EXOC6B: variants seen among roughly 807,000 people sequenced by gnomAD.
EXOC6B encodes the protein exocyst complex component 6B, also known as SEC15 homolog B.
EXOC6B carries 54 observed loss-of-function variants against 113.5 expected under a neutral mutation model. The observed-to-expected ratio is 0.48, with a 90% CI of 0.38 to 0.60. EXOC6B has a LOEUF of 0.60. EXOC6B is among the 20% of genes least tolerant of loss of function. The probability of loss-of-function intolerance (pLI) is 0.00; values close to 1 mark genes in which losing one functional copy is unlikely to be tolerated. For missense variants in EXOC6B, 797 were observed against 977.5 expected, an observed-to-expected ratio of 0.82 and a Z score of 2.46; for synonymous variants, 357 against 339.0, an observed-to-expected ratio of 1.05 and a Z score of -0.58.
intron 20 of EXOC6B, among the ~76,000 whole-genome samples, chr2:72,190,555 C>T (rs1678762234): frequency 6.6e-6 from 1 of 152,150 alleles, no homozygotes; most frequent in African/African-American, 2.4e-5. Flanking sequence ...CCCATTCTCC[C>T]CACTTCTTTC....
chr2:72,502,254 G>A (rs1700364536), intron 11 of EXOC6B, among the ~76,000 whole-genome samples: 1 of 152,164 alleles, frequency 6.6e-6, no homozygotes, highest in Non-Finnish European at 1.5e-5. Flanking sequence ...TAGAAGATAG[G>A]ATGGGTAAAG....
intron 6 of EXOC6B, among the ~76,000 whole-genome samples, chr2:72,623,953 G>A (rs750983894): frequency 6.6e-5 from 10 of 152,166 alleles, no homozygotes; most frequent in Admixed American, 1.3e-4. Flanking sequence ...CCTGCAGTTC[G>A]TAGCAGTACA....
chr2:72,485,543 A>T (rs1699379192), intron 16 of EXOC6B, among the ~76,000 whole-genome samples: 1 of 152,226 alleles, frequency 6.6e-6, no homozygotes, highest in African/African-American at 2.4e-5. Flanking sequence ...AGGGTACAAA[A>T]AACTGTGTCA....
At chr2:72,634,738 T>C (rs1672706014) in intron 6 of EXOC6B, among the ~76,000 whole-genome samples, 1 of 152,204 alleles carries the variant, frequency 6.6e-6, no homozygotes, top group African/African-American at 2.4e-5. Context: ...CAAAAAAGGT[T>C]CACATCTCCT....
intron 1 of EXOC6B, among the ~76,000 whole-genome samples, chr2:72,814,762 C>T (rs1686127728): frequency 6.6e-6 from 1 of 151,534 alleles, no homozygotes; most frequent in Non-Finnish European, 1.5e-5. Context: ...GAGGCCAAGG[C>T]AGGTGGATCA....
At chr2:72,762,374 A>G (rs954197052) in intron 1 of EXOC6B, among the ~76,000 whole-genome samples, 6 of 152,148 alleles carry the variant, frequency 3.9e-5, no homozygotes, top group Non-Finnish European at 5.9e-5. Flanking sequence ...TTAGTCAGAA[A>G]AGGCTTCTTG....
intron 6 of EXOC6B, among the ~76,000 whole-genome samples, chr2:72,609,829 C>T (rs747940117): frequency 6.1e-4 from 92 of 152,014 alleles, no homozygotes; most frequent in Non-Finnish European, 8.5e-4. Flanking sequence ...CATACTTAGT[C>T]AACTCTGTGC....
At chr2:72,461,212 G>A (rs1184307633) in intron 18 of EXOC6B, among the ~76,000 whole-genome samples, 1 of 102,268 alleles carries the variant, frequency 9.8e-6, no homozygotes, top group Non-Finnish European at 1.9e-5. Flanking sequence ...CTGTTGTGGG[G>A]TGGGGGGAGG....
intron 6 of EXOC6B, among the ~76,000 whole-genome samples, chr2:72,628,818 C>G (rs988664165): frequency 5.9e-5 from 9 of 152,152 alleles, no homozygotes; most frequent in African/African-American, 2.2e-4. Flanking sequence ...AGACTACATA[C>G]AGTACGTTGT....
chr2:72,812,488 AT>A (rs984893946), intron 1 of EXOC6B, among the ~76,000 whole-genome samples: 24 of 152,192 alleles, frequency 1.6e-4, no homozygotes, highest in African/African-American at 5.5e-4. Context: ...TTCTATCAAA[AT>A]CTCAGCAGAC....
intron 17 of EXOC6B, among the ~76,000 whole-genome samples, chr2:72,468,571 A>G (rs961135205): frequency 2.6e-5 from 4 of 152,188 alleles, no homozygotes; most frequent in African/African-American, 9.7e-5. Context: ...GAAGTCAGGT[A>G]GACTGATGCT....
intron 20 of EXOC6B, among the ~76,000 whole-genome samples, chr2:72,259,123 A>G (rs1023332872): frequency 1.3e-5 from 2 of 152,176 alleles, no homozygotes; most frequent in African/African-American, 2.4e-5. Context: ...AAATGCATAC[A>G]CTGATATAAC....
At chr2:72,318,553 C>T (rs904685309) in intron 20 of EXOC6B, among the ~76,000 whole-genome samples, 5 of 152,060 alleles carry the variant, frequency 3.3e-5, no homozygotes, top group Non-Finnish European at 5.9e-5. Context: ...ACCACATGCC[C>T]GGCCAATTTT....
chr2:72,214,722 T>A (rs1680409925), intron 20 of EXOC6B, among the ~76,000 whole-genome samples: 1 of 152,102 alleles, frequency 6.6e-6, no homozygotes, highest in Non-Finnish European at 1.5e-5. Flanking sequence ...TAAGACCAGA[T>A]CAATGCCATT....
At chr2:72,635,516 AATAG>A (rs1314543292) in intron 6 of EXOC6B, among the ~76,000 whole-genome samples, 1 of 152,182 alleles carries the variant, frequency 6.6e-6, no homozygotes, top group East Asian at 1.9e-4. Flanking sequence ...CCCAATATTA[AATAG>A]ATAATTTGAA....
chr2:72,757,503 C>T (rs1207271104), intron 1 of EXOC6B, among the ~76,000 whole-genome samples: 1 of 152,178 alleles, frequency 6.6e-6, no homozygotes. Context: ...TGAATTAGTG[C>T]CAACCCCTGC....
chr2:72,816,131 T>C (rs1211779076), intron 1 of EXOC6B, among the ~76,000 whole-genome samples: 4 of 152,084 alleles, frequency 2.6e-5, no homozygotes, highest in Non-Finnish European at 5.9e-5. Flanking sequence ...TGCATTCCAC[T>C]CTGGGAGACA....
intron 8 of EXOC6B, among the ~76,000 whole-genome samples, chr2:72,533,935 A>G (rs1233619732): frequency 1.3e-5 from 2 of 152,204 alleles, no homozygotes; most frequent in Non-Finnish European, 2.9e-5. Flanking sequence ...ACAGGCTTTG[A>G]TCCAAGTTTT....
At chr2:72,360,613 T>C (rs895473336) in intron 19 of EXOC6B, among the ~76,000 whole-genome samples, 18 of 152,112 alleles carry the variant, frequency 1.2e-4, no homozygotes, top group African/African-American at 4.3e-4. Context: ...TAACTTAAGA[T>C]AAAAATGAGG....
Sources: allele counts gnomAD v4.1 joint callset (sites outside exome capture counted in the v4.1 genomes callset), GRCh38; gene constraint gnomAD v4.1.1; transcripts MANE v1.5; gene names NCBI Gene and HGNC (gene_info 2026-07-23, HGNC 2026-07-21).